DMRT1: variants seen among roughly 807,000 people sequenced by gnomAD.
DMRT1 encodes the protein doublesex and mab-3 related transcription factor 1, also known as doublesex- and mab-3-related transcription factor 1.
In DMRT1, 7 loss-of-function variants were observed where a neutral mutation model predicts 32.3. The observed-to-expected ratio is 0.22, with a 90% CI of 0.12 to 0.41. The LOEUF (loss-of-function observed/expected upper bound fraction) is 0.41. Among genes scored for constraint, DMRT1 ranks in the 10% least tolerant of loss-of-function variants. The pLI is 1.00. For synonymous variants in DMRT1, 278 were observed against 206.1 expected (o/e 1.35, Z -2.99); for missense variants, 625 against 500.5 (o/e 1.25, Z -2.37).
At chr9:939,130 C>T (rs1327761589) in intron 4 of DMRT1, among the ~76,000 whole-genome samples, 5 of 152,244 alleles carry the variant, frequency 3.3e-5, no homozygotes, top group South Asian at 2.1e-4. Flanking sequence ...GAATCCTCTT[C>T]GTTTACACGA....
intron 2 of DMRT1, among the ~76,000 whole-genome samples, chr9:866,983 T>C (rs1246679390): frequency 6.6e-6 from 1 of 152,188 alleles, no homozygotes; most frequent in Admixed American, 6.5e-5. Context: ...ACCTGGGGTT[T>C]GTTTTTTTCT....
intron 4 of DMRT1, among the ~76,000 whole-genome samples, chr9:942,400 A>G (rs1819105545): frequency 6.6e-6 from 1 of 152,148 alleles, no homozygotes; most frequent in Admixed American, 6.5e-5. Context: ...CAGCCTCCTG[A>G]GTAGCTGGGA....
At chr9:916,181 C>T (rs1354491867) in intron 3 of DMRT1, among the ~76,000 whole-genome samples, 1 of 152,160 alleles carries the variant, frequency 6.6e-6, no homozygotes, top group Non-Finnish European at 1.5e-5. Context: ...ATTGTGTTGT[C>T]CCCTCTCCAC....
At chr9:934,129 G>A (rs533896579) in intron 4 of DMRT1, among the ~76,000 whole-genome samples, 1 of 152,278 alleles carries the variant, frequency 6.6e-6, no homozygotes, top group African/African-American at 2.4e-5. Context: ...TATGGCCTTG[G>A]AGCAGCATGT....
rs1838812651 is a variant in DMRT1, at chr9:844,396, C to G, written c.354+2204C>G. 2.1e-5 allele frequency among the ~76,000 whole-genome samples: 3 copies of G among 141,816 alleles called. No homozygotes were observed. The South Asian group carries it at 6.2e-4, about 29-fold the overall frequency. 93.0% of individuals were successfully genotyped at this position (141,816 alleles called of 152,430 possible). Reference sequence around the variant, plus strand: ...TTTTTATATAATATTTTCTAAGAAACCTTGAGAGAAGGTCCTTAGCATATG... The same window carrying G: ...TTTTTATATAATATTTTCTAAGAAAGCTTGAGAGAAGGTCCTTAGCATATG... On this transcript the variant is annotated intron_variant, in intron 1 of 4. Coordinates refer to ENST00000382276, the MANE Select transcript of DMRT1 (RefSeq NM_021951.3).
At chr9:883,261 C>G (rs1192506101) in intron 2 of DMRT1, among the ~76,000 whole-genome samples, 2 of 151,600 alleles carry the variant, frequency 1.3e-5, no homozygotes, top group Non-Finnish European at 2.9e-5. Flanking sequence ...CCTTCACAAC[C>G]AAATTACGTT....
At chr9:848,578 G>T (rs1448504637) in intron 2 of DMRT1, among the ~76,000 whole-genome samples, 1 of 134,738 alleles carries the variant, frequency 7.4e-6, no homozygotes, top group African/African-American at 2.8e-5. Context: ...TTTTGAGATG[G>T]AGTCTCACTC....
At chr9:930,044 C>A (rs941315498) in intron 4 of DMRT1, among the ~76,000 whole-genome samples, 2 of 152,100 alleles carry the variant, frequency 1.3e-5, no homozygotes, top group Non-Finnish European at 2.9e-5. Context: ...TTATTCAAGA[C>A]CTGGTTGAAG....
At chr9:857,601 G>T (rs1444225440) in intron 2 of DMRT1, among the ~76,000 whole-genome samples, 1 of 152,108 alleles carries the variant, frequency 6.6e-6, no homozygotes, top group African/African-American at 2.4e-5. Context: ...AACTTGGCAG[G>T]AATAGTTTTA....
Position 894,246 on chromosome 9 carries a change from C to A in DMRT1, c.822+51C>A, listed in dbSNP as rs752959270. 11 of 1,580,868 alleles carry A rather than the reference C, an allele frequency of 7.0e-6. No individual in the cohort carries two copies. The Admixed American group carries it at 1.8e-4, about 26-fold the overall frequency. ...GAACTGGTTGTGTGAAAGCCACATG[C>A]ATGTGCACACACATGCACATACACA... On this transcript the variant is annotated intron_variant, in intron 3 of 4. Transcript: ENST00000382276.
intron 2 of DMRT1, among the ~76,000 whole-genome samples, chr9:876,729 C>T (rs1281994416): frequency 1.3e-5 from 2 of 152,118 alleles, no homozygotes; most frequent in Non-Finnish European, 1.5e-5. Context: ...TGGGGTCTCG[C>T]CATGTTGCTC....
chr9:877,863 C>T (rs1816568446), intron 2 of DMRT1, among the ~76,000 whole-genome samples: 1 of 152,120 alleles, frequency 6.6e-6, no homozygotes. Context: ...GAGAAAAGTA[C>T]ACCTGGAAGA....
intron 2 of DMRT1, among the ~76,000 whole-genome samples, chr9:870,145 C>A (rs935517485): frequency 1.3e-5 from 2 of 152,268 alleles, no homozygotes; most frequent in African/African-American, 2.4e-5. Context: ...CGCCTGTAAT[C>A]GCAATACTTT....
At chr9:954,363 G>A (rs1406105940) in intron 4 of DMRT1, among the ~76,000 whole-genome samples, 2 of 152,000 alleles carry the variant, frequency 1.3e-5, no homozygotes, top group East Asian at 1.9e-4. Flanking sequence ...GGGGATGAGG[G>A]CTGGAATTTA....
intron 2 of DMRT1, among the ~76,000 whole-genome samples, chr9:865,335 TTGTC>T (rs1337603448): frequency 3.3e-5 from 5 of 152,076 alleles, no homozygotes; most frequent in Non-Finnish European, 7.3e-5. Context: ...TCATTTAACT[TTGTC>T]TGTTTGTTCA....
intron 4 of DMRT1, among the ~76,000 whole-genome samples, chr9:966,042 C>G (rs4742604): frequency 0.091 from 13,842 of 152,114 alleles, 1,223 homozygotes; most frequent in East Asian, 0.3. Context: ...CGCACGGACT[C>G]CAGGAAGCTC....
At chr9:893,725 G>T (rs1024690766) in intron 2 of DMRT1, among the ~76,000 whole-genome samples, 187 bp from the exon 3 acceptor site, 1 of 152,210 alleles carries the variant, frequency 6.6e-6, no homozygotes. Flanking sequence ...TTTCGGTTGT[G>T]CCACCAGAGT....
intron 2 of DMRT1, among the ~76,000 whole-genome samples, chr9:880,780 G>A (rs1043547705): frequency 6.0e-5 from 9 of 151,208 alleles, no homozygotes; most frequent in African/African-American, 1.9e-4. Flanking sequence ...TGGGTAGTTT[G>A]CCATGTGCTA....
At chr9:951,542 AT>A (rs1340802308) in intron 4 of DMRT1, among the ~76,000 whole-genome samples, 1 of 152,214 alleles carries the variant, frequency 6.6e-6, no homozygotes, top group Admixed American at 6.5e-5. Context: ...CATCTCTGCA[AT>A]GTCTAGAAGC....
Sources: allele counts gnomAD v4.1 joint callset (sites outside exome capture counted in the v4.1 genomes callset), GRCh38; gene constraint gnomAD v4.1.1; transcripts MANE v1.5; gene names NCBI Gene and HGNC (gene_info 2026-07-23, HGNC 2026-07-21).